THBS4: variants seen among roughly 807,000 people sequenced by gnomAD.
The protein encoded by THBS4 is thrombospondin 4.
A neutral mutation model predicts 115.7 loss-of-function variants in THBS4; 90 were observed. That is an observed-to-expected ratio of 0.78 (90% CI 0.66 to 0.93). The LOEUF (loss-of-function observed/expected upper bound fraction) is 0.93, where lower values mean the gene tolerates loss of function less well. THBS4 is among the 40% of genes least tolerant of loss of function. The pLI is 0.00. For synonymous variants in THBS4, 460 were observed against 479.3 expected, an observed-to-expected ratio of 0.96 and a Z score of 0.53; for missense variants, 1,087 against 1,232.7, an observed-to-expected ratio of 0.88 and a Z score of 1.77.
At chr5:80,056,171 T>A in intron 3 of THBS4, 139 bp downstream of exon 3, 1 of 1,112,068 alleles carries the variant, frequency 9.0e-7, no homozygotes, top group Non-Finnish European at 1.2e-6. Flanking sequence ...CCTGCGGAGC[T>A]TGAAAAGCAA....
Position 80,045,447 on chromosome 5 carries a change from A to G in THBS4, c.292+5167A>G, listed in dbSNP as rs139754876. On this transcript the variant is annotated intron_variant, in intron 2 of 21. Coordinates refer to ENST00000350881, the MANE Select transcript of THBS4 (RefSeq NM_003248.6). ...AGAAATATAGATTAAGAGAGATGGT[A>G]GAGCTTAAAAAATAAAATTATAGAC... 1.2e-4 allele frequency among the ~76,000 whole-genome samples: 19 copies of G among 152,300 alleles called. 1 individual carries two copies. Among genetic ancestry groups the G allele is most frequent in the African/African-American group, 4.1e-4 (17 of 41,562 alleles).
rs574998291 is a variant in THBS4 at position 80,011,717 on chromosome 5, A to G, written n.177+13290A>G. Among the ~76,000 whole-genome samples the G allele has an allele frequency of 2.0e-3, 309 of 152,308 alleles. 2 individuals carry two copies. The highest frequency in any genetic ancestry group is 3.0e-3 in the Non-Finnish European group (204 of 68,030). ...CAGGGACAACTCCCCAGAACTCTGC[A>G]GGAAGGGGCTCCTGAGGACACACGT... On this transcript the variant is annotated intron_variant and non_coding_transcript_variant, in intron 2 of 3. Transcript: ENST00000510218.
At chr5:80,078,784 AT>A (rs3214550) in intron 17 of THBS4, 136 bp from the exon 18 acceptor site, 198,257 of 700,376 alleles carry the variant, frequency 0.28, 29,926 homozygotes, top group African/African-American at 0.43. Flanking sequence ...TAGAGCAACT[AT>A]TTCAGATAAT....
At chr5:80,080,100 T>C in intron 20 of THBS4, 23 bp downstream of exon 20, 1 of 1,606,050 alleles carries the variant, frequency 6.2e-7, no homozygotes, top group Non-Finnish European at 8.5e-7. Flanking sequence ...CCCATCTCCT[T>C]ACCTTGCTCT....
chr5:80,040,341 G>A, intron 2 of THBS4, 61 bp downstream of exon 2: 1 of 1,341,186 alleles, frequency 7.5e-7, no homozygotes. Context: ...CAGGATTAGG[G>A]GTATACTGTC....
chr5:80,025,980 T>C (rs1428694503), intron 2 of THBS4, among the ~76,000 whole-genome samples: 1 of 152,178 alleles, frequency 6.6e-6, no homozygotes, highest in African/African-American at 2.4e-5. Flanking sequence ...GGAAATCCTA[T>C]TGTGAGGATT....
At position 80,058,920 on chromosome 5, in the gene THBS4, C is replaced by A. The variant is rs562681247; in HGVS notation, c.732+130C>A. Reference sequence around the variant, plus strand: ...GCCAGATCTCCGGGGGCCCACGCAGCCCCGCACGCCAGGGCTCTGCTGGAA... The same window carrying A: ...GCCAGATCTCCGGGGGCCCACGCAGACCCGCACGCCAGGGCTCTGCTGGAA... On this transcript the variant is annotated intron_variant, in intron 5 of 21. Transcript: ENST00000350881. 11 of 805,462 alleles carry A rather than the reference C, an allele frequency of 1.4e-5. No individual in the cohort carries two copies. The South Asian group carries it at 1.9e-4, about 14-fold the overall frequency. The allele number at this position is 805,462 out of a possible 1,614,324, so 49.9% of individuals were successfully genotyped here.
rs1041934976 is a variant in THBS4, at chr5:80,072,376, G to A, written c.1819G>A (p.Asp607Asn). ...GGGGGATGCCTGTGACAGTTGTCCT[G>A]ATGTCAGCAACCCTAACCAGGTTAG... Reference protein sequence around the residue: ...GVGDACDSCPDVSNPNQSDVD... With the variant: ...GVGDACDSCPNVSNPNQSDVD... Residue 607 changes from aspartate (D) to asparagine (N), a missense_variant, in exon 14 of 22, where the codon GAT becomes AAT. Transcript: ENST00000350881. The A allele has an allele frequency of 1.2e-6, 2 of 1,614,000 alleles. No individual in the cohort carries two copies. Among genetic ancestry groups the A allele is most frequent in the African/African-American group, 1.3e-5 (1 of 74,920 alleles).
At chr5:80,040,000 C>G (rs1428522341) in intron 1 of THBS4, 77 bp from the exon 2 acceptor site, 3 of 1,288,508 alleles carry the variant, frequency 2.3e-6, no homozygotes, top group Non-Finnish European at 3.4e-6. Context: ...CAAATTGCAC[C>G]CCCCCCAAAC....
chr5:80,003,598 A>G (rs1831954115), intron 2 of THBS4, among the ~76,000 whole-genome samples: 1 of 152,244 alleles, frequency 6.6e-6, no homozygotes, highest in Non-Finnish European at 1.5e-5. Flanking sequence ...TCCAGTAGAA[A>G]AAAGAAAAAA....
rs374692658 is a variant in THBS4 at position 80,065,390 on chromosome 5, T to C, written c.1126-19T>C. ...AGCAGCATGTCTCGCTAAACTTTCT[T>C]TGAACTTTTCTGCACTAGGTCTGCA... On this transcript the variant is annotated intron_variant, in intron 8 of 21. Coordinates refer to ENST00000350881, the MANE Select transcript of THBS4 (RefSeq NM_003248.6). 4 of 1,603,606 alleles carry C rather than the reference T, an allele frequency of 2.5e-6. No homozygotes were observed. Among genetic ancestry groups the C allele is most frequent in the Non-Finnish European group, 3.4e-6 (4 of 1,175,606 alleles).
At chr5:79,995,021 A>G (rs910941959) in intron 1 of THBS4, among the ~76,000 whole-genome samples, 1 of 152,202 alleles carries the variant, frequency 6.6e-6, no homozygotes, top group African/African-American at 2.4e-5. Context: ...TATATAAGTG[A>G]AGGCATAGAA....
chr5:80,079,527 A>G (rs1260811969), intron 19 of THBS4, among the ~76,000 whole-genome samples: 6 of 152,172 alleles, frequency 3.9e-5, no homozygotes, highest in African/African-American at 9.7e-5. Flanking sequence ...TGTGTTGGAA[A>G]CTGGCTAATA....
intron 20 of THBS4, chr5:80,080,357 G>A (rs1304280610): frequency 2.6e-6 from 1 of 382,930 alleles, no homozygotes; most frequent in Non-Finnish European, 4.9e-6. Flanking sequence ...TTGGATGGCT[G>A]TGCCCTTCTG....
At chr5:80,017,460 A>G (rs564411933) in intron 2 of THBS4, among the ~76,000 whole-genome samples, 83 of 152,296 alleles carry the variant, frequency 5.4e-4, no homozygotes, top group African/African-American at 1.9e-3. Context: ...TAACCCAAAT[A>G]TTTTAATATT....
At chr5:79,994,811 C>A (rs10062607) in intron 1 of THBS4, among the ~76,000 whole-genome samples, 88,813 of 152,084 alleles carry the variant, frequency 0.58, 26,274 homozygotes, top group South Asian at 0.66. Flanking sequence ...TGAAACAAGG[C>A]CCACATATTT....
chr5:80,030,429 G>A (rs746243302), upstream of THBS4, among the ~76,000 whole-genome samples: 7 of 151,944 alleles, frequency 4.6e-5, no homozygotes, highest in Non-Finnish European at 1.0e-4. Context: ...GTGCAGTGGT[G>A]CAATCTCGGC....
chr5:80,035,728 C>A lies in THBS4; in HGVS notation c.88+103C>A. On this transcript the variant is annotated intron_variant, in intron 1 of 21. Transcript: ENST00000350881. This position sits in a 1 kb window ranked among gnomAD's most constrained non-coding sequence, Gnocchi z 4.6. ...GGCCCTGTGCTCCTGTGGCCTTGCT[C>A]AGCCCCTCTCTGTCCCTCCCGGGCC... 2.5e-6 allele frequency: 2 copies of A among 803,330 alleles called. No individual in the cohort carries two copies. The highest frequency in any genetic ancestry group is 3.4e-6 in the Non-Finnish European group (2 of 592,330). 49.8% of individuals were successfully genotyped at this position (803,330 alleles called of 1,614,324 possible).
intron 2 of THBS4, among the ~76,000 whole-genome samples, chr5:80,014,410 T>C (rs568002357): frequency 2.7e-4 from 41 of 152,218 alleles, no homozygotes; most frequent in African/African-American, 8.9e-4. Flanking sequence ...CCCTCGCAGA[T>C]GTGGTGGGAT....
Sources: gnomAD v4.1 joint callset for allele counts (sites outside exome capture counted in the v4.1 genomes callset) on GRCh38, gnomAD v4.1.1 for gene constraint, Gnocchi (gnomAD v3.1) non-coding constraint, MANE v1.5 for transcripts, NCBI Gene and HGNC (gene_info 2026-07-23, HGNC 2026-07-21) for gene names.